Variants in MYH2 observed in about 807,000 individuals in gnomAD.
MYH2 encodes the protein myosin-2.
In MYH2, 139 loss-of-function variants were observed where a neutral mutation model predicts 228.1. That is an observed-to-expected ratio of 0.61 (90% CI 0.53 to 0.70). The LOEUF (loss-of-function observed/expected upper bound fraction) is 0.70, where lower values mean the gene tolerates loss of function less well. Ranked by LOEUF, MYH2 falls within the 30% of genes least tolerant of loss-of-function variation. The pLI is 0.00. For synonymous variants in MYH2, 796 were observed against 871.1 expected, an observed-to-expected ratio of 0.91 and a Z score of 1.52; for missense variants, 1,809 against 2,357.5, an observed-to-expected ratio of 0.77 and a Z score of 4.82.
At chr17:10,532,628 C>G (rs1344090529) in intron 21 of MYH2, among the ~76,000 whole-genome samples, 1 of 152,034 alleles carries the variant, frequency 6.6e-6, no homozygotes, top group African/African-American at 2.4e-5. Flanking sequence ...ATTTATATAT[C>G]TGCATACACA....
intron 10 of MYH2, among the ~76,000 whole-genome samples, chr17:10,541,907 G>A (rs2142316595): frequency 6.6e-6 from 1 of 152,278 alleles, no homozygotes; most frequent in South Asian, 2.1e-4. Context: ...CACTGGAGAG[G>A]CGTTTAAAGG....
chr17:10,543,942 C>T lies in MYH2; in HGVS notation c.608G>A (p.Gly203Asp). ...AGTAATTTCTTCCTTCTTCTTCTCA[C>T]CAGTAACTGCAATTGTTGCAAAGTA... ...IQYFATIAVT[G>D]EKKKEEITSG... Residue 203 changes from glycine to aspartate, a missense_variant, in exon 7 of 40, where the codon GGT becomes GAT. By Grantham distance (94) the Gly-to-Asp change is moderately conservative (BLOSUM62 -1). This residue lies in a region of MYH2 where 373 missense variants were observed against 620.4 expected (regional missense o/e 0.60). Transcript: ENST00000245503. 1 of 1,614,198 alleles carries T rather than the reference C, an allele frequency of 6.2e-7. No individual in the cohort carries two copies.
At chr17:10,530,878 C>T (rs775053623) in intron 22 of MYH2, among the ~76,000 whole-genome samples, 7 of 152,110 alleles carry the variant, frequency 4.6e-5, no homozygotes, top group African/African-American at 7.2e-5. Context: ...TACTGCTCAA[C>T]GTTGACAGAG....
At chr17:10,526,526 A>C (rs952076053) in intron 30 of MYH2, 73 bp downstream of exon 30, 3 of 1,600,604 alleles carry the variant, frequency 1.9e-6, no homozygotes, top group African/African-American at 1.3e-5. Flanking sequence ...AATTCACTGA[A>C]TCTTCAAAGG....
rs116419997 is a variant in MYH2, at chr17:10,540,007, C to T, written c.1068G>A (p.Thr356=). The change falls in exon 12 of 40, where the codon ACG becomes ACA. Residue 356 remains threonine, a synonymous_variant. Coordinates refer to ENST00000245503, the MANE Select transcript of MYH2 (RefSeq NM_017534.6). ...GGTTCCCATAATGCATCACAGCCCC[C>T]GTGAGCTTGTAAATGGAGACCTTTT... ...NEEKVSIYKL[T]GAVMHYGNLK... The T allele has an allele frequency of 4.8e-5, 77 of 1,614,028 alleles. No individual in the cohort carries two copies. The highest frequency in any genetic ancestry group is 3.6e-4 in the East Asian group (16 of 44,862).
At chr17:10,541,149 A>C (rs535513537) in intron 10 of MYH2, among the ~76,000 whole-genome samples, 1 of 152,352 alleles carries the variant, frequency 6.6e-6, no homozygotes, top group East Asian at 1.9e-4. Context: ...CCTTGAAAAA[A>C]GAACAGGATA....
chr17:10,539,307 CA>C lies in MYH2; in HGVS notation c.1313del (p.Met438SerfsTer145), dbSNP rs1234832404. 2.5e-6 allele frequency: 4 copies of C among 1,614,254 alleles called. No homozygotes were observed. Among genetic ancestry groups the C allele is most frequent in the Non-Finnish European group, 3.4e-6 (4 of 1,180,050 alleles). On this transcript the variant is annotated frameshift_variant, in exon 14 of 40. Transcript: ENST00000245503. LOFTEE classifies it high-confidence loss of function. ...TGATGCGGGCAACCATCCACAGGAA[CA>C]TCTTCTCGTAGACGGCTTTGGCCAG... Reference protein sequence around the residue: ...GALAKAVYEKMFLWMVARINQ... With the variant: ...GALAKAVYEKXFLWMVARINQ...
intron 4 of MYH2, among the ~76,000 whole-genome samples, chr17:10,545,757 A>G (rs779076422): frequency 3.3e-5 from 5 of 152,120 alleles, no homozygotes; most frequent in Non-Finnish European, 7.4e-5. Flanking sequence ...TTGTAGAGCT[A>G]AAGTCTCACT....
At chr17:10,539,861 C>T (rs2073529791) in intron 12 of MYH2, 67 bp downstream of exon 12, 1 of 1,605,310 alleles carries the variant, frequency 6.2e-7, no homozygotes, top group Non-Finnish European at 8.5e-7. Context: ...AGGAAAATTC[C>T]TGGGTAACAA....
At position 10,523,551 on chromosome 17, in the gene MYH2, G is replaced by C. The variant is rs1437323002; in HGVS notation, c.5417C>G (p.Ala1806Gly). ...CCCACCCTTCAGGGCCAGCTGCTCA[G>C]CCTCATCCAGACGGAGCTGCAGATC... ...VKDLQLRLDE[A>G]EQLALKGGKK... Residue 1806 changes from alanine to glycine, a missense_variant, in exon 37 of 40, where the codon GCT (alanine) becomes GGT (glycine). Physicochemically the swap from Ala to Gly is moderately conservative, Grantham distance 60. Transcript: ENST00000245503. 1 of 1,614,196 alleles carries C rather than the reference G, an allele frequency of 6.2e-7. No homozygotes were observed. Among genetic ancestry groups the C allele is most frequent in the Non-Finnish European group, 8.5e-7 (1 of 1,180,044 alleles).
chr17:10,527,883 G>C lies in MYH2; in HGVS notation c.3745-9C>G, dbSNP rs1225174676. 1 of 1,612,004 alleles carries C rather than the reference G, an allele frequency of 6.2e-7. No homozygotes were observed. Among genetic ancestry groups the C allele is most frequent in the African/African-American group, 1.3e-5 (1 of 74,868 alleles). On this transcript the variant is annotated splice_polypyrimidine_tract_variant and intron_variant, in intron 27 of 39. Coordinates refer to ENST00000245503, the MANE Select transcript of MYH2 (RefSeq NM_017534.6). ...ATTTTCTCTAGGTTTCCCTATAGAAGAAAAAGTAAAAGAAGAAAACAGAGA... is the reference window on the plus strand; with the variant it reads ...ATTTTCTCTAGGTTTCCCTATAGAACAAAAAGTAAAAGAAGAAAACAGAGA...
chr17:10,542,493 A>G (rs2073569269), intron 10 of MYH2, among the ~76,000 whole-genome samples: 1 of 152,236 alleles, frequency 6.6e-6, no homozygotes, highest in African/African-American at 2.4e-5. Context: ...AGTGACATGG[A>G]AAAAGCTATG....
At chr17:10,521,510 T>G (rs2073284346) in intron 39 of MYH2, 78 bp from the exon 40 acceptor site, 2 of 1,493,238 alleles carry the variant, frequency 1.3e-6, no homozygotes. Context: ...AAGAAAGGAC[T>G]TGGCATCTAT....
Position 10,535,146 on chromosome 17 carries a change from CG to C in MYH2, c.2106del (p.Asn702LysfsTer30). On this transcript the variant is annotated frameshift_variant, in exon 19 of 40. Coordinates refer to ENST00000245503, the MANE Select transcript of MYH2 (RefSeq NM_017534.6). LOFTEE classifies it high-confidence loss of function. Reference sequence around the variant, plus strand: ...CAGATGCGGATGCCTTCCAGCACACCGTTACACCTCAGCTGGTGGAGGACAA... The same window carrying C: ...CAGATGCGGATGCCTTCCAGCACACCTTACACCTCAGCTGGTGGAGGACAA... Reference protein sequence around the residue: ...HELVLHQLRCNGVLEGIRICR... With the variant: ...HELVLHQLRCXGVLEGIRICR... The C allele has an allele frequency of 6.2e-7, 1 of 1,614,108 alleles. No individual in the cohort carries two copies. The highest frequency in any genetic ancestry group is 1.3e-5 in the African/African-American group (1 of 75,004).
Position 10,525,822 on chromosome 17 carries a change from G to T in MYH2, c.4242C>A (p.Asn1414Lys), listed in dbSNP as rs146615128. The stretch of plus-strand genomic sequence containing the variant: ...TCTTTTCGAGGGAAGCACATTTGGC[G>T]TTCACAGCTTCTACATGTTCCTCAG... ...QAAEEHVEAV[N>K]AKCASLEKTK... is the part of the protein sequence containing the mutation. The change falls in exon 31 of 40, where the codon AAC becomes AAA. Residue 1414 changes from asparagine to lysine, a missense_variant. Asn to Lys is a moderately conservative substitution (Grantham distance 94). Coordinates refer to ENST00000245503, the MANE Select transcript of MYH2 (RefSeq NM_017534.6). The surrounding 1 kb of genome is among the most constrained non-coding windows in gnomAD (Gnocchi z 4.2). The T allele has an allele frequency of 3.7e-6, 6 of 1,614,108 alleles. No homozygotes were observed. The Admixed American group carries it at 5.0e-5, about 13-fold the overall frequency.
chr17:10,544,075 T>A, intron 6 of MYH2, 25 bp downstream of exon 6: 1 of 1,614,206 alleles, frequency 6.2e-7, no homozygotes, highest in South Asian at 1.1e-5. Context: ...CACAGCCATG[T>A]AAAGAAAGCA....
Position 10,528,976 on chromosome 17 carries a change from C to A in MYH2, c.3458G>T (p.Ser1153Ile). ...CCCACCGGCTTCTTCCAGCCTCTCG[C>A]TGATCTCCTCCAGCTCCCGGGAGAG... Reference protein sequence around the residue: ...SDLSRELEEISERLEEAGGAT... With the variant: ...SDLSRELEEIIERLEEAGGAT... The change falls in exon 27 of 40, where the codon AGC becomes ATC. Residue 1153 changes from serine (S) to isoleucine (I), a missense_variant. Ser to Ile is a moderately radical substitution (Grantham distance 142). Around this residue, in one of 9 missense-constraint regions of MYH2, gnomAD observed 636 missense variants for 729.9 expected, o/e 0.87. Transcript: ENST00000245503. 1 of 1,614,222 alleles carries A rather than the reference C, an allele frequency of 6.2e-7. No individual in the cohort carries two copies. Among genetic ancestry groups the A allele is most frequent in the Non-Finnish European group, 8.5e-7 (1 of 1,180,056 alleles).
intron 10 of MYH2, 122 bp downstream of exon 10, chr17:10,542,753 G>A (rs2073573482): frequency 4.9e-6 from 3 of 611,910 alleles, no homozygotes; most frequent in African/African-American, 1.9e-5. Context: ...AACTCACAAA[G>A]CTATTTATAA....
rs750335086 is a variant in MYH2, at chr17:10,537,553, G to A, written c.1588-11C>T. On this transcript the variant is annotated splice_polypyrimidine_tract_variant and intron_variant, in intron 15 of 39. Coordinates refer to ENST00000245503, the MANE Select transcript of MYH2 (RefSeq NM_017534.6). This position sits in a 1 kb window ranked among gnomAD's most constrained non-coding sequence, Gnocchi z 4.0. ...GAAGATGCCCATAGGCTAAAAAGCA[G>A]ACCACAACACAAAATTGTACTTCTA... is the stretch of plus-strand genomic sequence containing the variant. 3.7e-6 allele frequency: 6 copies of A among 1,613,984 alleles called. No individual in the cohort carries two copies. In the African/African-American group the frequency reaches 6.7e-5, roughly 18 times the overall value.
Sources: allele counts gnomAD v4.1 joint callset (sites outside exome capture counted in the v4.1 genomes callset), GRCh38; gene constraint gnomAD v4.1.1; regional missense constraint gnomAD v4.1.1; non-coding constraint Gnocchi (gnomAD v3.1); transcripts MANE v1.5; gene names NCBI Gene and HGNC (gene_info 2026-07-23, HGNC 2026-07-21).